The following ZFHX3 variants were observed in gnomAD, a reference collection of about 807,000 sequenced individuals.
ZFHX3 encodes zinc finger homeobox 3.
ZFHX3 carries 42 observed loss-of-function variants against 279.1 expected under a neutral mutation model. That is an observed-to-expected ratio of 0.15 (90% CI 0.12 to 0.19). The LOEUF is 0.19. Ranked by LOEUF, ZFHX3 falls within the 10% of genes least tolerant of loss-of-function variation. ZFHX3 has a pLI of 1.00. For synonymous variants in ZFHX3, 2,293 were observed against 1,957.8 expected (o/e 1.17, Z -4.52); for missense variants, 4,981 against 4,754.0 (o/e 1.05, Z -1.40).
chr16:73,710,238 A>T (rs1393278631), intron 1 of ZFHX3, among the ~76,000 whole-genome samples: 1 of 152,220 alleles, frequency 6.6e-6, no homozygotes, highest in Admixed American at 6.5e-5. Flanking sequence ...TGGATGCATT[A>T]AGCATTTAAA....
chr16:73,358,967 C>G (rs1179504229), intron 3 of ZFHX3, among the ~76,000 whole-genome samples: 3 of 152,174 alleles, frequency 2.0e-5, no homozygotes, highest in African/African-American at 7.2e-5. Flanking sequence ...TTGTTTCAAA[C>G]AGTACCTGGT....
chr16:73,383,893 G>T (rs890941496), intron 3 of ZFHX3, among the ~76,000 whole-genome samples: 7 of 152,234 alleles, frequency 4.6e-5, no homozygotes. Context: ...ACACCCAGAA[G>T]AATGCATGCC....
At chr16:73,663,582 G>C (rs2052806965) in intron 2 of ZFHX3, among the ~76,000 whole-genome samples, 1 of 152,206 alleles carries the variant, frequency 6.6e-6, no homozygotes, top group Admixed American at 6.5e-5. Flanking sequence ...AAGATAGCAA[G>C]GATAACAGAA....
At chr16:73,092,160 T>A (rs1966091793) in intron 8 of ZFHX3, among the ~76,000 whole-genome samples, 1 of 152,188 alleles carries the variant, frequency 6.6e-6, no homozygotes, top group Non-Finnish European at 1.5e-5. Flanking sequence ...ACGCAGCTAG[T>A]GCGTAGTTGA....
At chr16:73,572,184 A>AC (rs1421111672) in intron 2 of ZFHX3, among the ~76,000 whole-genome samples, 1 of 150,806 alleles carries the variant, frequency 6.6e-6, no homozygotes, top group Non-Finnish European at 1.5e-5. Flanking sequence ...AAAAAAAAAA[A>AC]AACTTTTTCT....
At chr16:73,357,862 C>T (rs2016370548) in intron 3 of ZFHX3, among the ~76,000 whole-genome samples, 1 of 152,226 alleles carries the variant, frequency 6.6e-6, no homozygotes, top group Non-Finnish European at 1.5e-5. Context: ...AACCCACTTT[C>T]CATGCCCACC....
intron 4 of ZFHX3, among the ~76,000 whole-genome samples, chr16:72,851,623 C>T (rs922059494): frequency 6.6e-6 from 1 of 151,928 alleles, no homozygotes; most frequent in Non-Finnish European, 1.5e-5. Context: ...GGTGCAAGCT[C>T]TGCTCACTGC....
chr16:73,723,968 T>C (rs1205451524), intron 1 of ZFHX3, among the ~76,000 whole-genome samples: 2 of 152,184 alleles, frequency 1.3e-5, no homozygotes, highest in African/African-American at 4.8e-5. Flanking sequence ...AGATCGCCTT[T>C]GGTCTCTGAT....
At chr16:73,759,978 A>C (rs967782062) in intron 1 of ZFHX3, among the ~76,000 whole-genome samples, 1 of 150,896 alleles carries the variant, frequency 6.6e-6, no homozygotes, top group Non-Finnish European at 1.5e-5. Context: ...GACACTAAAA[A>C]CTCTTCAAAA....
Position 72,784,916 on chromosome 16 carries a change from A to G in ZFHX3, c.*2248T>C, listed in dbSNP as rs1461751797. 6.6e-6 allele frequency: 1 copy of G among 152,496 alleles called. No homozygotes were observed. Among genetic ancestry groups the G allele is most frequent in the African/African-American group, 2.4e-5 (1 of 41,446 alleles). The allele number at this position is 152,496 out of a possible 1,614,324, so 9.4% of individuals were successfully genotyped here. On this transcript the variant is annotated 3_prime_UTR_variant, in exon 10 of 10. Coordinates refer to ENST00000268489, the MANE Select transcript of ZFHX3 (RefSeq NM_006885.4). ...TAAAAATAAAATAGTCCCGGCTAAA[A>G]AAGAAAAAAAGAAAAAAAATCCATT...
rs926532908 is a variant in ZFHX3 at position 73,224,279 on chromosome 16, CAG to C, written c.-1104+32766_-1104+32767del. On this transcript the variant is annotated intron_variant, in intron 5 of 17. Transcript: ENST00000641206. The stretch of plus-strand genomic sequence containing the variant: ...GGCAGAGACAACACACGTGTGAAGA[CAG>C]AGAGTAAATGAGAACTCTTTGTCCT... 8.5e-4 allele frequency among the ~76,000 whole-genome samples: 129 copies of C among 152,290 alleles called. 1 individual carries two copies. Among genetic ancestry groups the C allele is most frequent in the African/African-American group, 3.0e-3 (124 of 41,550 alleles).
In ZFHX3 at chr16:73,736,290, G is replaced by C. The variant is rs115240533; in HGVS notation, c.-1607-56050C>G. ...AATGGCTACTTTAGTTTCAAAACTA[G>C]ATGCAGGGGCAGCAGCCTGCATGGA... On this transcript the variant is annotated intron_variant, in intron 1 of 17. Transcript: ENST00000641206. Among the ~76,000 whole-genome samples the C allele has an allele frequency of 3.9e-3, 599 of 152,274 alleles. 3 individuals are homozygous for C. Among genetic ancestry groups the C allele is most frequent in the African/African-American group, 0.013 (555 of 41,552 alleles).
chr16:73,114,273 G>T (rs1473103566), intron 7 of ZFHX3, among the ~76,000 whole-genome samples: 1 of 151,946 alleles, frequency 6.6e-6, no homozygotes. Flanking sequence ...CATTTTCTGA[G>T]GCTATTTGGT....
At chr16:72,925,654 G>C (rs1195334129) in intron 3 of ZFHX3, among the ~76,000 whole-genome samples, 1 of 152,176 alleles carries the variant, frequency 6.6e-6, no homozygotes, top group African/African-American at 2.4e-5. Flanking sequence ...AAGCAATGAG[G>C]AAAAAGGAAT....
At chr16:73,078,858 A>G (rs1044362867) in intron 8 of ZFHX3, among the ~76,000 whole-genome samples, 57 of 151,708 alleles carry the variant, frequency 3.8e-4, no homozygotes, top group African/African-American at 1.2e-3. Context: ...CTTAGCCAGG[A>G]TGGTCTCGAT....
intron 1 of ZFHX3, among the ~76,000 whole-genome samples, chr16:73,818,550 G>C (rs914786563): frequency 6.6e-5 from 10 of 152,126 alleles, no homozygotes; most frequent in Admixed American, 1.3e-4. Context: ...TCAGACCCCT[G>C]GCCACTCTGC....
chr16:73,647,441 T>C (rs1021968225), intron 2 of ZFHX3, among the ~76,000 whole-genome samples: 10 of 152,262 alleles, frequency 6.6e-5, no homozygotes, highest in African/African-American at 2.4e-4. Flanking sequence ...TCAGATCTGA[T>C]GGTTTAAAAG....
At chr16:73,676,644 G>A (rs767940462) in intron 2 of ZFHX3, among the ~76,000 whole-genome samples, 7 of 151,844 alleles carry the variant, frequency 4.6e-5, no homozygotes, top group Non-Finnish European at 7.4e-5. Flanking sequence ...GTACGTAAAT[G>A]GCTTAAATTT....
chr16:73,832,041 T>G (rs1427052781), intron 1 of ZFHX3, among the ~76,000 whole-genome samples: 1 of 152,114 alleles, frequency 6.6e-6, no homozygotes, highest in Non-Finnish European at 1.5e-5. Context: ...GCTGGGATTA[T>G]AGGCACATGC....
Sources: allele counts gnomAD v4.1 joint callset (sites outside exome capture counted in the v4.1 genomes callset), GRCh38; gene constraint gnomAD v4.1.1; transcripts MANE v1.5; gene names NCBI Gene and HGNC (gene_info 2026-07-23, HGNC 2026-07-21).